Variants in CASZ1 observed in about 807,000 individuals in gnomAD.
CASZ1 encodes the protein castor zinc finger 1.
In CASZ1, 28 loss-of-function variants were observed where a neutral mutation model predicts 135.2. The ratio of observed to expected loss-of-function variants is 0.21; its 90% CI spans 0.15 to 0.28. CASZ1 has a LOEUF of 0.28. CASZ1 is among the 10% of genes least tolerant of loss of function. CASZ1 has a pLI of 1.00. For synonymous variants in CASZ1, 1,068 were observed against 1,073.4 expected, an observed-to-expected ratio of 0.99 and a Z score of 0.10; for missense variants, 2,161 against 2,453.3, an observed-to-expected ratio of 0.88 and a Z score of 2.52.
At chr1:10,780,625 AAAC>A (rs1640745893) in intron 1 of CASZ1, among the ~76,000 whole-genome samples, 1 of 152,220 alleles carries the variant, frequency 6.6e-6, no homozygotes, top group African/African-American at 2.4e-5. Flanking sequence ...ACCAGATACT[AAAC>A]AATGTTGTCT....
In CASZ1 at chr1:10,660,142, G is replaced by A. The variant is rs768863343; in HGVS notation, c.900C>T (p.Val300=). 2 of 1,614,138 alleles carry A rather than the reference G, an allele frequency of 1.2e-6. No homozygotes were observed. The highest frequency in any genetic ancestry group is 3.3e-5 in the Admixed American group (2 of 60,036). The change falls in exon 6 of 21, where the codon GTC becomes GTT. Residue 300 remains valine (V), a synonymous_variant. Coordinates refer to ENST00000377022, the MANE Select transcript of CASZ1 (RefSeq NM_001079843.3). ...TILPLPSHSS[V]QMQNLVARAS... is the part of the protein sequence containing the mutation. ...CCCGGGCTACCAGGTTCTGCATCTG[G>A]ACACTGCTGTGCGACGGCAGGGGCA...
Position 10,694,057 on chromosome 1 carries a change from C to G in CASZ1, c.-23-145G>C. 1 of 676,230 alleles carries G rather than the reference C, an allele frequency of 1.5e-6. No individual in the cohort carries two copies. Among genetic ancestry groups the G allele is most frequent in the Non-Finnish European group, 2.3e-6 (1 of 433,966 alleles). The allele number at this position is 676,230 out of a possible 1,614,324, so 41.9% of individuals were successfully genotyped here. A position where few individuals can be genotyped will look rare whatever the true frequency, so the allele number is the denominator to read the frequency against. On this transcript the variant is annotated intron_variant, in intron 3 of 20. Coordinates refer to ENST00000377022, the MANE Select transcript of CASZ1 (RefSeq NM_001079843.3). This position sits in a 1 kb window ranked among gnomAD's most constrained non-coding sequence, Gnocchi z 6.6. ...GGGCGCCGAGGCCGCGGCGGAGAAA[C>G]TTTCTCCTCCGCGCCGCCCGCTTCT...
chr1:10,662,616 C>T lies in CASZ1; in HGVS notation c.506-2080G>A, dbSNP rs538547269. Among the ~76,000 whole-genome samples, 22 of 151,684 alleles carry T rather than the reference C, an allele frequency of 1.5e-4. No homozygotes were observed. The East Asian group carries it at 4.1e-3, about 28-fold the overall frequency. On this transcript the variant is annotated intron_variant, in intron 5 of 20. Coordinates refer to ENST00000377022, the MANE Select transcript of CASZ1 (RefSeq NM_001079843.3). Reference sequence around the variant, plus strand: ...CAATCACACACACTCTCACATACATCCAGACACGCAGTCACATAAAACTCA... The same window carrying T: ...CAATCACACACACTCTCACATACATTCAGACACGCAGTCACATAAAACTCA...
At chr1:10,714,138 C>T (rs1333211944) in intron 2 of CASZ1, among the ~76,000 whole-genome samples, 3 of 152,142 alleles carry the variant, frequency 2.0e-5, no homozygotes, top group Admixed American at 6.5e-5. Context: ...GAAACCCCGT[C>T]TCTATGAAAA....
chr1:10,636,875 TATAG>T lies in CASZ1; in HGVS notation c.*2063_*2066del, dbSNP rs1482765612. On this transcript the variant is annotated 3_prime_UTR_variant, in exon 21 of 21. Transcript: ENST00000377022. ...CTATATATCTATATATGTATATACA[TATAG>T]ATATATACACACACATATGTGCATA... 7 of 151,906 alleles carry T rather than the reference TATAG, an allele frequency of 4.6e-5. No individual in the cohort carries two copies. The highest frequency in any genetic ancestry group is 2.1e-4 in the South Asian group (1 of 4,832). 9.4% of individuals were successfully genotyped at this position (151,906 alleles called of 1,614,324 possible).
At chr1:10,682,985 T>C (rs544722) in intron 4 of CASZ1, among the ~76,000 whole-genome samples, 86,276 of 152,166 alleles carry the variant, frequency 0.57, 25,158 homozygotes, top group African/African-American at 0.64. Flanking sequence ...GTCCTCTAAC[T>C]CTGCGGGTAC....
At chr1:10,668,655 A>T (rs1643311588) in intron 4 of CASZ1, among the ~76,000 whole-genome samples, 1 of 152,232 alleles carries the variant, frequency 6.6e-6, no homozygotes, top group Admixed American at 6.5e-5. Flanking sequence ...CTGGCGCAGC[A>T]CCAGGGTATG....
In CASZ1 at chr1:10,770,536, C is replaced by T. The variant is rs188605331; in HGVS notation, c.-233-9679G>A. 2.6e-5 allele frequency among the ~76,000 whole-genome samples: 4 copies of T among 152,274 alleles called. No homozygotes were observed. In the East Asian group the frequency reaches 7.7e-4, roughly 29 times the overall value. On this transcript the variant is annotated intron_variant, in intron 1 of 20. Coordinates refer to ENST00000377022, the MANE Select transcript of CASZ1 (RefSeq NM_001079843.3). ...GTGTACGGAGGGGTTGCTGGGGTCC[C>T]AGCCAACTGGGCCCCTAGCTGCGGG...
In CASZ1 at chr1:10,707,012, C is replaced by T. The variant is rs1639191139; in HGVS notation, c.-76-1468G>A. Among the ~76,000 whole-genome samples, 3 of 152,046 alleles carry T rather than the reference C, an allele frequency of 2.0e-5. No individual in the cohort carries two copies. The highest frequency in any genetic ancestry group is 7.2e-5 in the African/African-American group (3 of 41,402). On this transcript the variant is annotated intron_variant, in intron 2 of 20. Coordinates refer to ENST00000377022, the MANE Select transcript of CASZ1 (RefSeq NM_001079843.3). The surrounding 1 kb of genome is among the most constrained non-coding windows in gnomAD (Gnocchi z 5.0). ...GGGTCACAGGGTCCGGGGATGGAGA[C>T]CCCCAGGCCTCCACTGCAAGGCACC...
intron 2 of CASZ1, among the ~76,000 whole-genome samples, chr1:10,714,143 T>A (rs1439452059): frequency 6.6e-6 from 1 of 151,856 alleles, no homozygotes; most frequent in African/African-American, 2.4e-5. Flanking sequence ...CCCGTCTCTA[T>A]GAAAAATACA....
rs923356880 is a variant in CASZ1, at chr1:10,638,985, A to G, written c.5237T>C (p.Leu1746Pro). The G allele has an allele frequency of 3.9e-5, 38 of 980,082 alleles. No homozygotes were observed. In the East Asian group the frequency reaches 2.0e-3, roughly 52 times the overall value. 60.7% of individuals were successfully genotyped at this position (980,082 alleles called of 1,614,324 possible). A position where few individuals can be genotyped will look rare whatever the true frequency, so the allele number is the denominator to read the frequency against. Reference sequence around the variant, plus strand: ...AGTGGGCGCGGGGCCGGGGGCGCCCAGGGCCGCCAGCGCCGCCAAGGCCGG... The same window carrying G: ...AGTGGGCGCGGGGCCGGGGGCGCCCGGGGCCGCCAGCGCCGCCAAGGCCGG... ...RTPALAALAALGAPGPAPTAA... is the reference protein window; with the variant it reads ...RTPALAALAAPGAPGPAPTAA... Residue 1746 changes from leucine (L) to proline (P), a missense_variant, in exon 21 of 21, where the codon CTG (leucine) becomes CCG (proline). Physicochemically the swap from Leu to Pro is moderately conservative, Grantham distance 98 (BLOSUM62 -3). Coordinates refer to ENST00000377022, the MANE Select transcript of CASZ1 (RefSeq NM_001079843.3). The surrounding 1 kb of genome is among the most constrained non-coding windows in gnomAD (Gnocchi z 5.9).
At chr1:10,780,764 T>C (rs141144108) in intron 1 of CASZ1, among the ~76,000 whole-genome samples, 6 of 152,236 alleles carry the variant, frequency 3.9e-5, no homozygotes, top group African/African-American at 1.2e-4. Context: ...TCAACCAGCG[T>C]TGGAACCCTA....
In CASZ1 at chr1:10,759,730, C is replaced by T. The variant is rs528483651; in HGVS notation, c.-77+971G>A. 1.3e-5 allele frequency among the ~76,000 whole-genome samples: 2 copies of T among 152,248 alleles called. No homozygotes were observed. Among genetic ancestry groups the T allele is most frequent in the South Asian group, 4.2e-4 (2 of 4,816 alleles). ...CAGAGGGAGGGGCAGGACACACCTG[C>T]CCAGAGTGACCATGGGGAGGAAGAG... is the stretch of plus-strand genomic sequence containing the variant. On this transcript the variant is annotated intron_variant, in intron 2 of 20. Coordinates refer to ENST00000377022, the MANE Select transcript of CASZ1 (RefSeq NM_001079843.3). This position sits in a 1 kb window ranked among gnomAD's most constrained non-coding sequence, Gnocchi z 4.2.
intron 15 of CASZ1, 53 bp from the exon 16 acceptor site, chr1:10,648,192 AGGGG>A: frequency 1.5e-6 from 2 of 1,304,670 alleles, no homozygotes; most frequent in Non-Finnish European, 2.1e-6. Flanking sequence ...ACAGGTGTGG[AGGGG>A]CATGCATGTG....
chr1:10,731,829 G>C (rs982812513), intron 2 of CASZ1, among the ~76,000 whole-genome samples: 1 of 152,090 alleles, frequency 6.6e-6, no homozygotes, highest in Non-Finnish European at 1.5e-5. Flanking sequence ...AAGGTTATGC[G>C]AAAGAAACTT....
chr1:10,781,329 G>A (rs796732860), intron 1 of CASZ1, among the ~76,000 whole-genome samples: 15 of 152,356 alleles, frequency 9.8e-5, no homozygotes, highest in Admixed American at 3.9e-4. Flanking sequence ...CTGGGAACAG[G>A]TGCCAGGCTG....
At chr1:10,769,830 A>T (rs1244309284) in intron 1 of CASZ1, among the ~76,000 whole-genome samples, 1 of 152,014 alleles carries the variant, frequency 6.6e-6, no homozygotes, top group Non-Finnish European at 1.5e-5. Flanking sequence ...AGTAATATTT[A>T]AGGGTGCTAT....
intron 4 of CASZ1, among the ~76,000 whole-genome samples, chr1:10,671,482 G>A (rs930557510): frequency 3.9e-5 from 6 of 152,178 alleles, no homozygotes; most frequent in Non-Finnish European, 7.4e-5. Context: ...AAGGGGCTTC[G>A]GGTGAGCCTA....
intron 5 of CASZ1, chr1:10,660,896 A>G: frequency 3.7e-6 from 1 of 269,738 alleles, no homozygotes; most frequent in East Asian, 9.9e-5. Context: ...AAGTAAGGCC[A>G]GATCCCAACC....
Sources: gnomAD v4.1 joint callset for allele counts (sites outside exome capture counted in the v4.1 genomes callset) on GRCh38, gnomAD v4.1.1 for gene constraint, Gnocchi (gnomAD v3.1) non-coding constraint, MANE v1.5 for transcripts, NCBI Gene and HGNC (gene_info 2026-07-23, HGNC 2026-07-21) for gene names.